SELPLG: variants seen among roughly 807,000 people sequenced by gnomAD.
SELPLG encodes selectin P ligand.
Under a neutral mutation model 1.1 loss-of-function variants are expected in SELPLG, and 2 were observed. That is an observed-to-expected ratio of 1.82 (90% CI 0.74 to 5.71). The LOEUF (loss-of-function observed/expected upper bound fraction) is 5.71, where lower values mean the gene tolerates loss of function less well. SELPLG is among the 30% of genes most tolerant of loss of function. The pLI is 0.05. For missense variants in SELPLG, 478 were observed against 524.7 expected, an observed-to-expected ratio of 0.91 and a Z score of 0.87; for synonymous variants, 230 against 221.2, an observed-to-expected ratio of 1.04 and a Z score of -0.35.
In SELPLG at chr12:108,622,589, C is replaced by G. The variant is rs1244027608; in HGVS notation, c.*480G>C. ...ACAGCCTCAGAAGTCCGTCACTCTT[C>G]AGTACTCCTCCCTTAGAATGTCCAC... is the stretch of plus-strand genomic sequence containing the variant. On this transcript the variant is annotated 3_prime_UTR_variant, in exon 2 of 2. Transcript: ENST00000550948. 2 of 155,960 alleles carry G rather than the reference C, an allele frequency of 1.3e-5. No homozygotes were observed. Among genetic ancestry groups the G allele is most frequent in the African/African-American group, 4.8e-5 (2 of 41,518 alleles). The allele number at this position is 155,960 out of a possible 1,614,324, so 9.7% of individuals were successfully genotyped here. A position where few individuals can be genotyped will look rare whatever the true frequency, so the allele number is the denominator to read the frequency against.
chr12:108,623,721 G>A lies in SELPLG; in HGVS notation c.587C>T (p.Pro196Leu). The change falls in exon 2 of 2, where the codon CCA becomes CTA. Residue 196 changes from proline to leucine, a missense_variant. Pro to Leu is a moderately conservative substitution (Grantham distance 98). Coordinates refer to ENST00000550948, the MANE Select transcript of SELPLG (RefSeq NM_003006.4). ...AGTGGTCTGTGCCTCCATGGCTGCT[G>A]GTGCAGTGGTCTGTGCCTCCAGGCC... The part of the protein sequence containing the change: ...PTGLEAQTTA[P>L]AAMEAQTTAP... 3 of 1,605,616 alleles carry A rather than the reference G, an allele frequency of 1.9e-6. No individual in the cohort carries two copies. The highest frequency in any genetic ancestry group is 2.5e-6 in the Non-Finnish European group (3 of 1,177,286).
Position 108,623,424 on chromosome 12 carries a change from C to T in SELPLG, c.884G>A (p.Gly295Asp), listed in dbSNP as rs866207777. ...PFSVSSVTHK[G>D]IPMAASNLSV... ...CAAATTGCTGGCTGCCATGGGAATG[C>T]CCTTGTGAGTAACAGAGGACACAGA... The change falls in exon 2 of 2, where the codon GGC (glycine) becomes GAC (aspartate). Residue 295 changes from glycine to aspartate, a missense_variant. Coordinates refer to ENST00000550948, the MANE Select transcript of SELPLG (RefSeq NM_003006.4). 6.2e-7 allele frequency: 1 copy of T among 1,614,236 alleles called. No individual in the cohort carries two copies. Among genetic ancestry groups the T allele is most frequent in the East Asian group, 2.2e-5 (1 of 44,892 alleles).
At chr12:108,631,711 C>A in intron 1 of SELPLG, 1 of 640,676 alleles carries the variant, frequency 1.6e-6, no homozygotes, top group South Asian at 2.0e-5. Flanking sequence ...AACTTGCTGG[C>A]CTGATCCAGA....
Position 108,623,478 on chromosome 12 carries a change from G to T in SELPLG, c.830C>A (p.Thr277Asn). Residue 277 changes from threonine to asparagine, a missense_variant, in exon 2 of 2, where the codon ACT (threonine) becomes AAT (asparagine). Physicochemically the swap from Thr to Asn is moderately conservative, Grantham distance 65. Coordinates refer to ENST00000550948, the MANE Select transcript of SELPLG (RefSeq NM_003006.4). Reference sequence around the variant, plus strand: ...GGGTATGAACAGACCTCTTTTGGTAGTAGGTTCCATGGACAGGGCCTCTGT... The same window carrying T: ...GGGTATGAACAGACCTCTTTTGGTATTAGGTTCCATGGACAGGGCCTCTGT... Reference protein sequence around the residue: ...SATEALSMEPTTKRGLFIPFS... With the variant: ...SATEALSMEPNTKRGLFIPFS... 1.2e-6 allele frequency: 2 copies of T among 1,614,282 alleles called. No homozygotes were observed. The highest frequency in any genetic ancestry group is 1.7e-6 in the Non-Finnish European group (2 of 1,180,054).
chr12:108,633,087 G>T (rs2032089482), intron 1 of SELPLG, among the ~76,000 whole-genome samples: 1 of 152,108 alleles, frequency 6.6e-6, no homozygotes, highest in South Asian at 2.1e-4. Flanking sequence ...CCCGACCTCA[G>T]TTTCCCATCC....
intron 1 of SELPLG, among the ~76,000 whole-genome samples, chr12:108,626,411 A>G (rs1302376530): frequency 6.6e-6 from 1 of 152,070 alleles, no homozygotes; most frequent in Non-Finnish European, 1.5e-5. Flanking sequence ...CTGGGATTAC[A>G]GGGCGTGGGC....
chr12:108,631,357 G>T (rs1006400354), intron 1 of SELPLG, among the ~76,000 whole-genome samples: 6 of 151,988 alleles, frequency 3.9e-5, no homozygotes, highest in Non-Finnish European at 7.4e-5. Context: ...TGAACTCCTG[G>T]GCTCAAGCGA....
chr12:108,633,521 A>T (rs1277281519), intron 1 of SELPLG, among the ~76,000 whole-genome samples: 1 of 152,144 alleles, frequency 6.6e-6, no homozygotes. Flanking sequence ...GGAAAAAAAA[A>T]GTTGGCAGGA....
chr12:108,625,580 C>T (rs776223580), intron 1 of SELPLG, among the ~76,000 whole-genome samples: 10 of 152,340 alleles, frequency 6.6e-5, no homozygotes, highest in Non-Finnish European at 1.2e-4. Context: ...CTCTTCAGAA[C>T]AGCCCTGCTC....
chr12:108,623,811 A>G lies in SELPLG; in HGVS notation c.497T>C (p.Leu166Pro), dbSNP rs769318677. The G allele has an allele frequency of 5.0e-5, 80 of 1,591,042 alleles. No individual in the cohort carries two copies. The Admixed American group carries it at 1.3e-3, about 26-fold the overall frequency. The change falls in exon 2 of 2, where the codon CTG becomes CCG. Residue 166 changes from leucine (L) to proline (P), a missense_variant. Coordinates refer to ENST00000550948, the MANE Select transcript of SELPLG (RefSeq NM_003006.4). The part of the protein sequence containing the change: ...LTATEAQTTP[L>P]AATEAQTTPP... ...AGTGGTCTGTGCCTCTGTGGCTGCC[A>G]GTGGAGTGGTCTGTGCCTCCGTGGC...
intron 1 of SELPLG, among the ~76,000 whole-genome samples, chr12:108,626,198 G>A (rs1253954242): frequency 1.4e-5 from 2 of 139,718 alleles, no homozygotes; most frequent in African/African-American, 5.3e-5. Flanking sequence ...GCAGTGGCAC[G>A]ACCTTGGCTC....
Position 108,622,751 on chromosome 12 carries a change from T to A in SELPLG, c.*318A>T. The A allele has an allele frequency of 3.2e-6, 1 of 313,976 alleles. No homozygotes were observed. Among genetic ancestry groups the A allele is most frequent in the Non-Finnish European group, 5.9e-6 (1 of 169,498 alleles). The allele number at this position is 313,976 out of a possible 1,614,324, so 19.4% of individuals were successfully genotyped here. On this transcript the variant is annotated 3_prime_UTR_variant, in exon 2 of 2. Coordinates refer to ENST00000550948, the MANE Select transcript of SELPLG (RefSeq NM_003006.4). ...AAGCGGGGAGAGCCATGGGAGATGT[T>A]AGAGGGACCCAGAGAAGATGGGGGA...
rs1395281601 is a variant in SELPLG at position 108,623,199 on chromosome 12, G to T, written c.1109C>A (p.Pro370His). The change falls in exon 2 of 2, where the codon CCT (proline) becomes CAT (histidine). Residue 370 changes from proline to histidine, a missense_variant. Pro to His is a moderately conservative substitution (Grantham distance 77). Transcript: ENST00000550948. Reference protein sequence around the residue: ...TEMVCISSLLPDGGEGPSATA... With the variant: ...TEMVCISSLLHDGGEGPSATA... ...GGCAGAGGGCCCCTCACCCCCATCA[G>T]GCAACAGGGATGAGATGCAGACCAT... 1 of 1,614,058 alleles carries T rather than the reference G, an allele frequency of 6.2e-7. No homozygotes were observed.
intron 1 of SELPLG, chr12:108,632,159 CT>C (rs1268850233): frequency 1.9e-6 from 1 of 534,372 alleles, no homozygotes; most frequent in East Asian, 3.1e-5. Flanking sequence ...TTTAACTCCC[CT>C]GGCTGCTGGC....
At chr12:108,629,373 C>T (rs1296211168) in intron 1 of SELPLG, among the ~76,000 whole-genome samples, 1 of 152,192 alleles carries the variant, frequency 6.6e-6, no homozygotes, top group Non-Finnish European at 1.5e-5. Context: ...CAGCCTGGAG[C>T]CAGGCCACAG....
At chr12:108,629,303 GT>G (rs1347235000) in intron 1 of SELPLG, among the ~76,000 whole-genome samples, 6 of 152,224 alleles carry the variant, frequency 3.9e-5, no homozygotes, top group African/African-American at 1.4e-4. Context: ...CAAACTGGGG[GT>G]GGGGGGTTGT....
chr12:108,632,181 G>A (rs1467756180), intron 1 of SELPLG: 3 of 485,258 alleles, frequency 6.2e-6, no homozygotes, highest in African/African-American at 5.9e-5. Flanking sequence ...CAAGCCTGCT[G>A]AGGGAGGCAT....
Position 108,623,647 on chromosome 12 carries a change from C to A in SELPLG, c.661G>T (p.Ala221Ser). Reference protein sequence around the residue: ...AQTTPPAAMEAQTTQTTAMEA... With the variant: ...AQTTPPAAMESQTTQTTAMEA... Reference sequence around the variant, plus strand: ...ATGGCTGTGGTTTGAGTGGTCTGTGCCTCCATGGCTGCTGGTGGAGTGGTC... The same window carrying A: ...ATGGCTGTGGTTTGAGTGGTCTGTGACTCCATGGCTGCTGGTGGAGTGGTC... Residue 221 changes from alanine to serine, a missense_variant, in exon 2 of 2, where the codon GCA becomes TCA. Coordinates refer to ENST00000550948, the MANE Select transcript of SELPLG (RefSeq NM_003006.4). 6.5e-7 allele frequency: 1 copy of A among 1,533,416 alleles called. No individual in the cohort carries two copies. The highest frequency in any genetic ancestry group is 8.7e-7 in the Non-Finnish European group (1 of 1,144,958). 95.0% of individuals were successfully genotyped at this position (1,533,416 alleles called of 1,614,324 possible).
intron 1 of SELPLG, among the ~76,000 whole-genome samples, chr12:108,626,194 G>A (rs1342827260): frequency 6.7e-6 from 1 of 149,682 alleles, no homozygotes; most frequent in Non-Finnish European, 1.5e-5. Context: ...GAGTGCAGTG[G>A]CACGACCTTG....
Sources: gnomAD v4.1 joint callset for allele counts (sites outside exome capture counted in the v4.1 genomes callset) on GRCh38, gnomAD v4.1.1 for gene constraint, MANE v1.5 for transcripts, NCBI Gene and HGNC (gene_info 2026-07-23, HGNC 2026-07-21) for gene names.